Variants in CCT6B observed in about 807,000 individuals in gnomAD.
The protein encoded by CCT6B is chaperonin containing TCP1 subunit 6B.
A neutral mutation model predicts 61.5 loss-of-function variants in CCT6B; 49 were observed. The ratio of observed to expected loss-of-function variants is 0.80; its 90% CI spans 0.63 to 1.01. CCT6B has a LOEUF of 1.01. Ranked by LOEUF, CCT6B falls within the 50% of genes least tolerant of loss-of-function variation. The pLI is 0.00. For missense variants in CCT6B, 666 were observed against 634.7 expected, an observed-to-expected ratio of 1.05 and a Z score of -0.53; for synonymous variants, 228 against 214.5, an observed-to-expected ratio of 1.06 and a Z score of -0.55.
chr17:34,954,581 T>C lies in CCT6B; in HGVS notation c.355A>G (p.Ile119Val), dbSNP rs772970645. ...TTTGCAGCTTCAAATCCTTCAGCTA[T>C]TATTCTAGGGTGCAGGCCCTGTTAC... ...YISEGLHPRIIAEGFEAAKIK... is the reference protein window; with the variant it reads ...YISEGLHPRIVAEGFEAAKIK... Residue 119 changes from isoleucine to valine, a missense_variant, in exon 4 of 14, where the codon ATA (isoleucine) becomes GTA (valine). Coordinates refer to ENST00000314144, the MANE Select transcript of CCT6B (RefSeq NM_006584.4). The C allele has an allele frequency of 6.2e-7, 1 of 1,613,344 alleles. No individual in the cohort carries two copies. The highest frequency in any genetic ancestry group is 8.5e-7 in the Non-Finnish European group (1 of 1,179,626).
intron 5 of CCT6B, among the ~76,000 whole-genome samples, chr17:34,948,753 G>A (rs1464210044): frequency 4.6e-5 from 7 of 151,298 alleles, no homozygotes; most frequent in Admixed American, 4.6e-4. Context: ...GGATGGACCT[G>A]GCATGGTGGC....
chr17:34,953,825 G>A (rs997978492), intron 4 of CCT6B, among the ~76,000 whole-genome samples: 53 of 151,896 alleles, frequency 3.5e-4, no homozygotes, highest in African/African-American at 1.2e-3. Context: ...GTGGTGGCAC[G>A]CGCCTGTAAT....
chr17:34,939,514 G>T, intron 9 of CCT6B, 103 bp downstream of exon 9: 1 of 878,674 alleles, frequency 1.1e-6, no homozygotes, highest in South Asian at 1.7e-5. Flanking sequence ...CTGTGAATTA[G>T]ATCTCAAAAC....
intron 5 of CCT6B, among the ~76,000 whole-genome samples, chr17:34,947,506 G>A (rs1160267303): frequency 1.3e-5 from 2 of 152,262 alleles, no homozygotes; most frequent in South Asian, 2.1e-4. Context: ...TCAATCAGCT[G>A]AAAGAAACTA....
intron 12 of CCT6B, among the ~76,000 whole-genome samples, chr17:34,930,541 C>T (rs887377935): frequency 6.6e-6 from 1 of 152,134 alleles, no homozygotes; most frequent in Non-Finnish European, 1.5e-5. Context: ...TGATGCCTAC[C>T]CTGACCAACC....
At chr17:34,933,311 T>C (rs531552365) in intron 10 of CCT6B, among the ~76,000 whole-genome samples, 2 of 152,328 alleles carry the variant, frequency 1.3e-5, no homozygotes, top group African/African-American at 2.4e-5. Flanking sequence ...ACACATCAAA[T>C]TTCACATCAG....
intron 7 of CCT6B, among the ~76,000 whole-genome samples, chr17:34,941,675 C>A (rs887776485): frequency 1.3e-5 from 2 of 152,148 alleles, no homozygotes; most frequent in African/African-American, 2.4e-5. Context: ...GTAAAAGTGG[C>A]ATTCCATGAA....
chr17:34,938,920 T>C (rs556598624), intron 10 of CCT6B, among the ~76,000 whole-genome samples: 2 of 151,946 alleles, frequency 1.3e-5, no homozygotes, highest in Middle Eastern at 3.4e-3. Context: ...CCATCTCTAC[T>C]AAAAATACAA....
chr17:34,940,495 T>G, intron 8 of CCT6B, 44 bp downstream of exon 8: 1 of 1,010,028 alleles, frequency 9.9e-7, no homozygotes, highest in East Asian at 2.6e-5. Flanking sequence ...AGTTTCCATT[T>G]ACTCTGTTAA....
intron 7 of CCT6B, among the ~76,000 whole-genome samples, chr17:34,941,140 T>G (rs984994038): frequency 1.3e-5 from 2 of 152,190 alleles, no homozygotes; most frequent in African/African-American, 4.8e-5. Context: ...CAGTAAGTAA[T>G]AGTTTCTCAA....
At position 34,961,316 on chromosome 17, in the gene CCT6B, G is replaced by A. The variant is rs780613413; in HGVS notation, c.78C>T (p.Ala26=). The change falls in exon 1 of 14, where the codon GCC becomes GCT. Residue 26 remains alanine (A), a synonymous_variant. Coordinates refer to ENST00000314144, the MANE Select transcript of CCT6B (RefSeq NM_006584.4). ...ARAALAVNIC[A]ARGLQDVLRT... ...GCAGCACATCCTGCAGCCCTCGGGC[G>A]GCGCATATATTGACAGCCAAAGCTG... 6.2e-7 allele frequency: 1 copy of A among 1,613,032 alleles called. No individual in the cohort carries two copies. The highest frequency in any genetic ancestry group is 8.5e-7 in the Non-Finnish European group (1 of 1,179,896).
chr17:34,931,081 A>T (rs898149368), intron 11 of CCT6B, 30 bp from the exon 12 acceptor site: 62 of 732,544 alleles, frequency 8.5e-5, no homozygotes, highest in Non-Finnish European at 1.2e-4. Context: ...AATATATATT[A>T]TATATATATG....
At chr17:34,929,059 A>G (rs747718443) in intron 12 of CCT6B, 25 bp from the exon 13 acceptor site, 1 of 1,441,874 alleles carries the variant, frequency 6.9e-7, no homozygotes, top group South Asian at 1.2e-5. Flanking sequence ...CAATTTTCAT[A>G]CCAAAATCTT....
intron 2 of CCT6B, among the ~76,000 whole-genome samples, chr17:34,959,184 G>T (rs2090382815): frequency 6.8e-6 from 1 of 147,528 alleles, no homozygotes; most frequent in Non-Finnish European, 1.5e-5. Context: ...GAGTGCAATG[G>T]CACAATCTCA....
intron 3 of CCT6B, 69 bp downstream of exon 3, chr17:34,958,487 AACTC>A: frequency 2.2e-6 from 2 of 898,974 alleles, no homozygotes; most frequent in Admixed American, 6.2e-5. Flanking sequence ...AACTGTCTAA[AACTC>A]AACCATTTTA....
At chr17:34,936,308 C>T (rs1028746090) in intron 10 of CCT6B, among the ~76,000 whole-genome samples, 1 of 152,126 alleles carries the variant, frequency 6.6e-6, no homozygotes, top group African/African-American at 2.4e-5. Context: ...AGAACTTCCT[C>T]AACCTGATAA....
chr17:34,943,024 C>T (rs963180445), intron 5 of CCT6B, 118 bp from the exon 6 acceptor site: 25 of 624,080 alleles, frequency 4.0e-5, no homozygotes, highest in African/African-American at 3.2e-4. Context: ...TTTCCTTGTA[C>T]CAATTTTAAC....
At chr17:34,954,079 A>G (rs1597759503) in intron 4 of CCT6B, among the ~76,000 whole-genome samples, 2 of 152,312 alleles carry the variant, frequency 1.3e-5, no homozygotes, top group Middle Eastern at 6.8e-3. Flanking sequence ...CACTGCTAAA[A>G]CAACTATCTT....
rs1305670637 is a variant in CCT6B at position 34,928,961 on chromosome 17, C to G, written c.1523+1G>C. On this transcript the variant is annotated splice_donor_variant, in intron 13 of 13. Coordinates refer to ENST00000314144, the MANE Select transcript of CCT6B (RefSeq NM_006584.4). LOFTEE classifies it high-confidence loss of function. ...TTCACTTTATGTTCATATGAACTTA[C>G]CAAGAGTGAAGAAGTTGTTTTTTTA... 1 of 1,538,942 alleles carries G rather than the reference C, an allele frequency of 6.5e-7. No individual in the cohort carries two copies. The highest frequency in any genetic ancestry group is 1.4e-5 in the African/African-American group (1 of 73,448).
Sources: gnomAD v4.1 joint callset for allele counts (sites outside exome capture counted in the v4.1 genomes callset) on GRCh38, gnomAD v4.1.1 for gene constraint, MANE v1.5 for transcripts, NCBI Gene and HGNC (gene_info 2026-07-23, HGNC 2026-07-21) for gene names.